HIKESHI: variants seen among roughly 807,000 people sequenced by gnomAD.
HIKESHI encodes heat shock protein nuclear import factor hikeshi.
In HIKESHI, 13 loss-of-function variants were observed where a neutral mutation model predicts 25.7. That is an observed-to-expected ratio of 0.51 (90% CI 0.33 to 0.80). HIKESHI has a LOEUF of 0.80. Among genes scored for constraint, HIKESHI ranks in the 30% least tolerant of loss-of-function variants. HIKESHI has a pLI of 0.02. For synonymous variants in HIKESHI, 76 were observed against 78.7 expected (o/e 0.97, Z 0.18); for missense variants, 174 against 229.5 (o/e 0.76, Z 1.56).
intron 3 of HIKESHI, among the ~76,000 whole-genome samples, chr11:86,338,000 G>A (rs1947617057): frequency 6.6e-6 from 1 of 152,068 alleles, no homozygotes. Context: ...TAACATATCA[G>A]TCACCTCACA....
chr11:86,345,443 A>T, intron 4 of HIKESHI, 141 bp from the exon 5 acceptor site: 2 of 576,436 alleles, frequency 3.5e-6, no homozygotes, highest in East Asian at 6.6e-5. Flanking sequence ...GAATAATTAC[A>T]TTTCCAGATT....
At chr11:86,344,742 C>T in intron 4 of HIKESHI, 21 bp downstream of exon 4, 1 of 1,461,020 alleles carries the variant, frequency 6.8e-7, no homozygotes. Context: ...TTTTCTGTCT[C>T]CAATATTAAG....
chr11:86,336,473 C>T (rs570018838), intron 2 of HIKESHI, among the ~76,000 whole-genome samples: 1 of 152,240 alleles, frequency 6.6e-6, no homozygotes, highest in East Asian at 1.9e-4. Flanking sequence ...ATAAGAAGAT[C>T]ACTTGCCCTA....
intron 1 of HIKESHI, among the ~76,000 whole-genome samples, chr11:86,303,919 A>C (rs1299054606): frequency 6.6e-6 from 1 of 152,128 alleles, no homozygotes; most frequent in East Asian, 1.9e-4. Context: ...GTTGACACTT[A>C]AGAAATATTT....
At chr11:86,329,619 T>G (rs1171677417) in intron 2 of HIKESHI, among the ~76,000 whole-genome samples, 2 of 151,658 alleles carry the variant, frequency 1.3e-5, no homozygotes, top group African/African-American at 4.8e-5. Flanking sequence ...GTCTAGGCCT[T>G]CAAACACCAT....
At chr11:86,337,804 C>T (rs1399611129) in intron 3 of HIKESHI, among the ~76,000 whole-genome samples, 12 of 152,190 alleles carry the variant, frequency 7.9e-5, no homozygotes, top group African/African-American at 2.9e-4. Context: ...ACTACAGGCA[C>T]ATGTCACCAC....
chr11:86,313,671 T>G (rs181023138), intron 2 of HIKESHI, among the ~76,000 whole-genome samples: 43 of 152,392 alleles, frequency 2.8e-4, no homozygotes, highest in African/African-American at 1.0e-3. Context: ...AGTTCTTGCC[T>G]GAGATAACTC....
intron 2 of HIKESHI, among the ~76,000 whole-genome samples, chr11:86,307,444 AAAT>A (rs1157933267): frequency 2.9e-5 from 4 of 138,460 alleles, no homozygotes; most frequent in Admixed American, 7.7e-5. Context: ...ATTATATATC[AAAT>A]ATATATTATG....
chr11:86,333,944 T>C (rs1187154124), intron 2 of HIKESHI, among the ~76,000 whole-genome samples: 1 of 148,926 alleles, frequency 6.7e-6, no homozygotes, highest in Non-Finnish European at 1.5e-5. Flanking sequence ...TATGGCAATG[T>C]AGATGCCAAA....
In HIKESHI at chr11:86,316,771, C is replaced by CTTTTTTTTTTTTTTTTTTTTTTTT. The variant is rs71040229; in HGVS notation, c.268+10306_268+10329dup. On this transcript the variant is annotated intron_variant, in intron 2 of 4. Transcript: ENST00000278483. ...TTATGAGTAATGAATCTGAAACATTCTTTTTTTTTTTTTTTTTTTTTTTTT... is the reference window on the plus strand; with the variant it reads ...TTATGAGTAATGAATCTGAAACATTCTTTTTTTTTTTTTTTTTTTTTTTTTTTTTTTTTTTTTTTTTTTTTTTTT... Among the ~76,000 whole-genome samples the CTTTTTTTTTTTTTTTTTTTTTTTT allele has an allele frequency of 1.5e-4, 10 of 68,778 alleles. 2 individuals carry two copies. The highest frequency in any genetic ancestry group is 2.7e-4 in the Non-Finnish European group (10 of 37,484). 45.1% of individuals were successfully genotyped at this position (68,778 alleles called of 152,430 possible). A position where few individuals can be genotyped will look rare whatever the true frequency, so the allele number is the denominator to read the frequency against.
intron 2 of HIKESHI, among the ~76,000 whole-genome samples, chr11:86,331,892 G>A (rs768313863): frequency 1.3e-5 from 2 of 151,618 alleles, no homozygotes; most frequent in African/African-American, 2.4e-5. Context: ...GCATATTTAA[G>A]TTGTTTCTGT....
intron 2 of HIKESHI, among the ~76,000 whole-genome samples, chr11:86,333,690 T>G (rs1947477130): frequency 6.6e-6 from 1 of 152,196 alleles, no homozygotes; most frequent in South Asian, 2.1e-4. Flanking sequence ...ATATTTGTGT[T>G]CCAAAATAGA....
intron 2 of HIKESHI, among the ~76,000 whole-genome samples, chr11:86,325,511 G>A (rs1049874985): frequency 3.3e-5 from 5 of 152,028 alleles, no homozygotes; most frequent in Non-Finnish European, 5.9e-5. Flanking sequence ...TAAATGTTTT[G>A]ATACTAAGAA....
intron 2 of HIKESHI, among the ~76,000 whole-genome samples, chr11:86,311,126 G>C (rs536759840): frequency 6.6e-6 from 1 of 152,302 alleles, no homozygotes; most frequent in East Asian, 1.9e-4. Context: ...AATATTTTCA[G>C]ATGGAGTGGT....
At chr11:86,327,741 G>T (rs1422793801) in intron 2 of HIKESHI, among the ~76,000 whole-genome samples, 1 of 152,144 alleles carries the variant, frequency 6.6e-6, no homozygotes, top group Non-Finnish European at 1.5e-5. Flanking sequence ...TGGCAATACT[G>T]TACTTTAATT....
At chr11:86,334,022 A>G (rs1262961186) in intron 2 of HIKESHI, among the ~76,000 whole-genome samples, 1 of 152,220 alleles carries the variant, frequency 6.6e-6, no homozygotes, top group African/African-American at 2.4e-5. Flanking sequence ...AATTTATAAA[A>G]TGGATGTGTT....
intron 1 of HIKESHI, among the ~76,000 whole-genome samples, chr11:86,304,564 T>C (rs1017963591): frequency 2.4e-4 from 35 of 148,158 alleles, no homozygotes; most frequent in Admixed American, 2.0e-3. Context: ...TCAGCCAGGC[T>C]GGAGTGCAAT....
intron 1 of HIKESHI, chr11:86,303,306 CTT>C (rs928659117): frequency 1.5e-6 from 1 of 656,016 alleles, no homozygotes; most frequent in South Asian, 6.8e-5. Flanking sequence ...GCTGAATTGT[CTT>C]TTTTTCCCAT....
In HIKESHI at chr11:86,338,360, C is replaced by G. The variant is rs1179967008; in HGVS notation, c.420+830C>G. 2.0e-5 allele frequency among the ~76,000 whole-genome samples: 3 copies of G among 152,270 alleles called. No individual in the cohort carries two copies. The East Asian group carries it at 5.8e-4, about 29-fold the overall frequency. ...AGGAGAGCAAGGAGAACTGCTAAAG[C>G]AGTGTCCTTGAGTAGAAAATAGCAG... On this transcript the variant is annotated intron_variant, in intron 3 of 4. Transcript: ENST00000278483.
Sources: gnomAD v4.1 joint callset for allele counts (sites outside exome capture counted in the v4.1 genomes callset) on GRCh38, gnomAD v4.1.1 for gene constraint, MANE v1.5 for transcripts, NCBI Gene and HGNC (gene_info 2026-07-23, HGNC 2026-07-21) for gene names.